COL22A1: variants seen among roughly 807,000 people sequenced by gnomAD.
COL22A1 encodes the protein collagen alpha-1(XXII) chain.
Under a neutral mutation model 248.9 loss-of-function variants are expected in COL22A1, and 221 were observed. The observed-to-expected ratio is 0.89, with a 90% CI of 0.80 to 0.99. The LOEUF (loss-of-function observed/expected upper bound fraction) is 0.99, where lower values mean the gene tolerates loss of function less well. COL22A1 is among the 50% of genes least tolerant of loss of function. COL22A1 has a pLI of 0.00. For missense variants in COL22A1, 2,240 were observed against 2,179.0 expected, an observed-to-expected ratio of 1.03 and a Z score of -0.56; for synonymous variants, 891 against 793.4, an observed-to-expected ratio of 1.12 and a Z score of -2.07.
At chr8:138,800,693 G>A (rs188731063) in intron 11 of COL22A1, among the ~76,000 whole-genome samples, 27 of 152,254 alleles carry the variant, frequency 1.8e-4, no homozygotes, top group East Asian at 5.8e-4. Context: ...GCGATGGACC[G>A]CTTCCCAGAG....
chr8:138,612,483 GC>G (rs968303624), intron 56 of COL22A1, among the ~76,000 whole-genome samples: 17 of 151,366 alleles, frequency 1.1e-4, no homozygotes, highest in Non-Finnish European at 1.5e-4. Context: ...GTTCAATTGT[GC>G]CCCCCCCAAA....
chr8:138,695,091 C>A (rs1282017452), intron 32 of COL22A1, among the ~76,000 whole-genome samples: 3 of 152,150 alleles, frequency 2.0e-5, no homozygotes, highest in Non-Finnish European at 4.4e-5. Context: ...TCAGGAATCA[C>A]TTCTTCTGGG....
chr8:138,886,719 T>C (rs1824692984), intron 1 of COL22A1, among the ~76,000 whole-genome samples: 1 of 152,196 alleles, frequency 6.6e-6, no homozygotes, highest in Non-Finnish European at 1.5e-5. Context: ...GTCCACATAT[T>C]GTCTTATTGG....
chr8:138,762,392 ACAG>A lies in COL22A1; in HGVS notation c.1857+18_1857+20del. On this transcript the variant is annotated intron_variant, in intron 17 of 64. Coordinates refer to ENST00000303045, the MANE Select transcript of COL22A1 (RefSeq NM_152888.3). ...CTGACCGCTGATGAAACCTAGCCCA[ACAG>A]CGCCAGCACCCACCTACCTGCTGTC... 1 of 1,613,376 alleles carries A rather than the reference ACAG, an allele frequency of 6.2e-7. No homozygotes were observed.
intron 59 of COL22A1, among the ~76,000 whole-genome samples, chr8:138,603,152 G>A (rs1436448848): frequency 1.3e-5 from 2 of 152,180 alleles, no homozygotes; most frequent in Non-Finnish European, 2.9e-5. Context: ...TCCCTTTCAT[G>A]CAGGTGCCAT....
intron 12 of COL22A1, among the ~76,000 whole-genome samples, chr8:138,796,062 G>C (rs968825377): frequency 6.6e-6 from 1 of 152,134 alleles, no homozygotes; most frequent in Non-Finnish European, 1.5e-5. Flanking sequence ...CCAAGAAAAC[G>C]ATAATTTTTT....
At chr8:138,611,180 C>T (rs889128054) in intron 56 of COL22A1, among the ~76,000 whole-genome samples, 27 of 152,364 alleles carry the variant, frequency 1.8e-4, no homozygotes, top group African/African-American at 6.5e-4. Context: ...AGAGCTAAGG[C>T]CCCTCTTGCC....
intron 46 of COL22A1, among the ~76,000 whole-genome samples, chr8:138,648,761 T>G (rs547404938): frequency 6.6e-4 from 101 of 152,322 alleles, no homozygotes; most frequent in African/African-American, 2.4e-3. Flanking sequence ...TTATTTTCAC[T>G]TTGGATAAAG....
In COL22A1 at chr8:138,721,228, T is replaced by A. The variant is rs112469975; in HGVS notation, c.2302-436A>T. Among the ~76,000 whole-genome samples the A allele has an allele frequency of 3.3e-3, 501 of 152,346 alleles. 2 individuals carry two copies. The highest frequency in any genetic ancestry group is 0.011 in the African/African-American group (451 of 41,578). ...GTATTTTGCCATGAAGTTGACCTTG[T>A]AAGTCTGTTTATTGAAAAATGACAA... On this transcript the variant is annotated intron_variant, in intron 26 of 64. Coordinates refer to ENST00000303045, the MANE Select transcript of COL22A1 (RefSeq NM_152888.3).
chr8:138,773,669 T>C (rs1344768909), intron 16 of COL22A1, among the ~76,000 whole-genome samples: 1 of 152,228 alleles, frequency 6.6e-6, no homozygotes, highest in Non-Finnish European at 1.5e-5. Flanking sequence ...CGCTAAACTC[T>C]TGGGACCTTG....
Position 138,636,804 on chromosome 8 carries a change from G to GAA in COL22A1, c.3502-11_3502-10dup, listed in dbSNP as rs200366128. 1.2e-6 allele frequency: 2 copies of GAA among 1,605,546 alleles called. No homozygotes were observed. Among genetic ancestry groups the GAA allele is most frequent in the African/African-American group, 2.7e-5 (2 of 74,140 alleles). On this transcript the variant is annotated splice_polypyrimidine_tract_variant and intron_variant, in intron 47 of 64. Coordinates refer to ENST00000303045, the MANE Select transcript of COL22A1 (RefSeq NM_152888.3). ...CGTTCTCCTTGACTTCCCTTGAAAG[G>GAA]AAAAAAAAGAAAAGAAAGATGTCAC...
intron 1 of COL22A1, among the ~76,000 whole-genome samples, chr8:138,895,716 G>T (rs1432359066): frequency 6.6e-6 from 1 of 152,052 alleles, no homozygotes; most frequent in South Asian, 2.1e-4. Flanking sequence ...AGCAATCCAG[G>T]GAGAGAAGAA....
chr8:138,705,906 A>C, intron 30 of COL22A1, among the ~76,000 whole-genome samples: 1 of 152,240 alleles, frequency 6.6e-6, no homozygotes, highest in East Asian at 1.9e-4. Flanking sequence ...GCAGAGACAC[A>C]CATAGGCTCA....
chr8:138,685,496 C>T (rs1305472715), intron 37 of COL22A1, among the ~76,000 whole-genome samples, 184 bp from the exon 38 acceptor site: 1 of 152,100 alleles, frequency 6.6e-6, no homozygotes, highest in African/African-American at 2.4e-5. Context: ...CATTGTGTTC[C>T]CCAAAATTCG....
At chr8:138,781,571 G>C (rs755261034) in intron 12 of COL22A1, among the ~76,000 whole-genome samples, 8 of 152,184 alleles carry the variant, frequency 5.3e-5, no homozygotes, top group Non-Finnish European at 1.2e-4. Flanking sequence ...TTCTTTCTAA[G>C]GAATCTCATG....
intron 60 of COL22A1, among the ~76,000 whole-genome samples, chr8:138,601,163 C>T (rs919633741): frequency 3.3e-5 from 5 of 151,798 alleles, no homozygotes; most frequent in South Asian, 2.1e-4. Context: ...CTGCCTGAGT[C>T]GCATTCTCGG....
intron 16 of COL22A1, among the ~76,000 whole-genome samples, chr8:138,772,389 C>A (rs879483264): frequency 6.6e-6 from 1 of 152,140 alleles, no homozygotes; most frequent in Non-Finnish European, 1.5e-5. Context: ...AAGGTCATCA[C>A]GGTGAAGAGG....
chr8:138,712,931 G>A (rs1015203820), intron 30 of COL22A1, among the ~76,000 whole-genome samples: 3 of 152,208 alleles, frequency 2.0e-5, no homozygotes, highest in East Asian at 1.9e-4. Flanking sequence ...CAGAGGGTAC[G>A]TGTTCTATCA....
In COL22A1 at chr8:138,767,842, A is replaced by G. The variant is rs1834029909; in HGVS notation, c.1804-5376T>C. Among the ~76,000 whole-genome samples the G allele has an allele frequency of 3.9e-5, 6 of 152,202 alleles. No homozygotes were observed. In the South Asian group the frequency reaches 1.2e-3, roughly 31 times the overall value. On this transcript the variant is annotated intron_variant, in intron 16 of 64. Transcript: ENST00000303045. ...GAAAACCGCCGGCTGCCCGTGCCTG[A>G]CCACTCTGAAACCTCGCTGCTGATC...
Sources: allele counts gnomAD v4.1 joint callset (sites outside exome capture counted in the v4.1 genomes callset), GRCh38; gene constraint gnomAD v4.1.1; transcripts MANE v1.5; gene names NCBI Gene and HGNC (gene_info 2026-07-23, HGNC 2026-07-21).